Variants in KDM4C observed in about 807,000 individuals in gnomAD.
KDM4C encodes lysine-specific demethylase 4C.
KDM4C carries 81 observed loss-of-function variants against 129.3 expected under a neutral mutation model. The ratio of observed to expected loss-of-function variants is 0.63; its 90% CI spans 0.52 to 0.75. The LOEUF (loss-of-function observed/expected upper bound fraction) is 0.75. Among genes scored for constraint, KDM4C ranks in the 30% least tolerant of loss-of-function variants. The pLI is 0.00. For missense variants in KDM4C, 1,457 were observed against 1,304.0 expected (o/e 1.12, Z -1.81); for synonymous variants, 573 against 456.1 (o/e 1.26, Z -3.26).
intron 1 of KDM4C, among the ~76,000 whole-genome samples, chr9:6,732,363 TCAAAAAAAAAAAAAAAAAA>T (rs1817374523): frequency 2.0e-5 from 1 of 48,828 alleles, no homozygotes; most frequent in African/African-American, 7.6e-5. Context: ...AGACTCTGTC[TCAAAAAAAAAAAAAAAAAA>T]AAAAAAAAAA....
intron 8 of KDM4C, among the ~76,000 whole-genome samples, chr9:6,949,136 G>A (rs1369048712): frequency 6.6e-6 from 1 of 151,272 alleles, no homozygotes; most frequent in Non-Finnish European, 1.5e-5. Context: ...AGACGGGGCG[G>A]CTGCTGGGCG....
chr9:6,942,911 G>A (rs959290709), intron 8 of KDM4C, among the ~76,000 whole-genome samples: 6 of 152,088 alleles, frequency 3.9e-5, no homozygotes, highest in African/African-American at 1.4e-4. Flanking sequence ...CTGTCACCTC[G>A]GCTGAGTGCA....
intron 10 of KDM4C, 115 bp from the exon 11 acceptor site, chr9:6,986,229 G>C: frequency 1.6e-6 from 1 of 613,442 alleles, no homozygotes; most frequent in Non-Finnish European, 2.8e-6. Flanking sequence ...GTATGTGCAT[G>C]CGCATGCGTG....
intron 19 of KDM4C, among the ~76,000 whole-genome samples, chr9:7,128,762 C>T (rs1391731925): frequency 6.6e-6 from 1 of 151,914 alleles, no homozygotes; most frequent in Non-Finnish European, 1.5e-5. Flanking sequence ...GTGGCGGAGA[C>T]TAGAACTCTG....
intron 8 of KDM4C, chr9:6,902,621 A>C (rs375271454): frequency 6.6e-6 from 1 of 152,112 alleles, no homozygotes; most frequent in Non-Finnish European, 1.5e-5. Context: ...CCCCAAGTAC[A>C]TATTTAGGAA....
intron 2 of KDM4C, among the ~76,000 whole-genome samples, chr9:6,799,647 T>C (rs182856386): frequency 4.2e-4 from 62 of 146,734 alleles, no homozygotes; most frequent in East Asian, 1.2e-3. Context: ...CTTTTCTTTT[T>C]TTTTTTTTTT....
chr9:6,856,205 G>A (rs973400481), intron 5 of KDM4C, among the ~76,000 whole-genome samples: 3 of 152,144 alleles, frequency 2.0e-5, no homozygotes, highest in South Asian at 2.1e-4. Context: ...TTAGGGATTA[G>A]GCAGCTTGAT....
At chr9:7,046,330 A>G (rs922485781) in intron 15 of KDM4C, among the ~76,000 whole-genome samples, 4 of 151,896 alleles carry the variant, frequency 2.6e-5, no homozygotes, top group African/African-American at 4.8e-5. Context: ...TTATAACACT[A>G]TTTGCCCACA....
intron 15 of KDM4C, among the ~76,000 whole-genome samples, chr9:7,033,760 C>G (rs916195034): frequency 1.3e-5 from 2 of 152,192 alleles, no homozygotes; most frequent in East Asian, 1.9e-4. Flanking sequence ...ACAAATGCCT[C>G]ATTAATCTTT....
intron 8 of KDM4C, among the ~76,000 whole-genome samples, chr9:6,939,987 T>C (rs1391686514): frequency 1.9e-5 from 2 of 107,394 alleles, no homozygotes; most frequent in African/African-American, 3.4e-5. Flanking sequence ...CCTTCCTTCC[T>C]TCCTTCCTTC....
At chr9:7,168,606 ATGATGATGTATTTTCACACAT>A (rs1844640648) in intron 20 of KDM4C, among the ~76,000 whole-genome samples, 1 of 151,760 alleles carries the variant, frequency 6.6e-6, no homozygotes. Context: ...TTTGTTTTAG[ATGATGATGTATTTTCACACAT>A]TGATGAGGTT....
At chr9:7,083,137 T>C (rs1033117928) in intron 17 of KDM4C, among the ~76,000 whole-genome samples, 2 of 152,236 alleles carry the variant, frequency 1.3e-5, no homozygotes, top group African/African-American at 4.8e-5. Context: ...GTCACACACA[T>C]AGACCCATAT....
chr9:6,768,487 A>G (rs573242511), intron 1 of KDM4C, among the ~76,000 whole-genome samples: 4 of 152,048 alleles, frequency 2.6e-5, no homozygotes, highest in Non-Finnish European at 4.4e-5. Context: ...TATTTCCTAC[A>G]TTTTTCTCCA....
chr9:7,173,741 G>T (rs1845185720), intron 21 of KDM4C, among the ~76,000 whole-genome samples: 1 of 152,180 alleles, frequency 6.6e-6, no homozygotes, highest in East Asian at 1.9e-4. Flanking sequence ...AATGTAGGAA[G>T]GACAGCAATG....
intron 8 of KDM4C, among the ~76,000 whole-genome samples, chr9:6,934,474 C>T (rs943553350): frequency 5.2e-5 from 7 of 134,356 alleles, no homozygotes; most frequent in Non-Finnish European, 1.2e-4. Context: ...AGCAAGACCC[C>T]GCCAAAAAAA....
At chr9:6,914,825 G>A (rs1016719209) in intron 8 of KDM4C, among the ~76,000 whole-genome samples, 1 of 152,190 alleles carries the variant, frequency 6.6e-6, no homozygotes, top group Admixed American at 6.5e-5. Flanking sequence ...ATGGGCCCTC[G>A]CCAGACACCA....
intron 18 of KDM4C, among the ~76,000 whole-genome samples, chr9:7,118,733 G>T (rs1395675635): frequency 6.6e-6 from 1 of 152,148 alleles, no homozygotes. Context: ...CCTTGCTGGT[G>T]CTGTGGGTTT....
chr9:6,849,784 G>T, intron 5 of KDM4C, 84 bp downstream of exon 5: 1 of 1,080,730 alleles, frequency 9.3e-7, no homozygotes, highest in South Asian at 1.6e-5. Flanking sequence ...TTTGTTCTTT[G>T]ATTTGGTGGA....
chr9:6,741,946 A>G (rs1440025408), intron 1 of KDM4C, among the ~76,000 whole-genome samples: 1 of 151,656 alleles, frequency 6.6e-6, no homozygotes, highest in Admixed American at 6.6e-5. Context: ...TAATGGCTCA[A>G]AAACAATAAT....
Sources: allele counts gnomAD v4.1 joint callset (sites outside exome capture counted in the v4.1 genomes callset), GRCh38; gene constraint gnomAD v4.1.1; transcripts MANE v1.5; gene names NCBI Gene and HGNC (gene_info 2026-07-23, HGNC 2026-07-21).